Variants in CDIN1 observed in about 807,000 individuals in gnomAD.
The protein encoded by CDIN1 is CDAN1 interacting nuclease 1.
A neutral mutation model predicts 45.3 loss-of-function variants in CDIN1; 33 were observed. That is an observed-to-expected ratio of 0.73 (90% CI 0.55 to 0.97). CDIN1 has a LOEUF of 0.97. Ranked by LOEUF, CDIN1 falls within the 50% of genes least tolerant of loss-of-function variation. The probability of loss-of-function intolerance (pLI) is 0.00; values close to 1 mark genes in which losing one functional copy is unlikely to be tolerated. For missense variants in CDIN1, 303 were observed against 339.4 expected, an observed-to-expected ratio of 0.89 and a Z score of 0.84; for synonymous variants, 118 against 124.4, an observed-to-expected ratio of 0.95 and a Z score of 0.34.
rs550665005 is a variant in CDIN1, at chr15:36,647,207, A to T, written c.212+1920A>T. Among the ~76,000 whole-genome samples, 2 of 151,638 alleles carry T rather than the reference A, an allele frequency of 1.3e-5. 1 individual carries two copies. Among genetic ancestry groups the T allele is most frequent in the Admixed American group, 1.3e-4 (2 of 15,228 alleles). ...GCCAGCTAATTAAAAAAAAAAGTTT[A>T]TAGAGACAGGGTCTTGCTACTTTGC... is the stretch of plus-strand genomic sequence containing the variant. On this transcript the variant is annotated intron_variant, in intron 3 of 10. Transcript: ENST00000566621.
At chr15:36,785,952 G>A (rs2054478997) in intron 10 of CDIN1, among the ~76,000 whole-genome samples, 1 of 152,082 alleles carries the variant, frequency 6.6e-6, no homozygotes, top group Admixed American at 6.6e-5. Flanking sequence ...TGATAATTCT[G>A]CCTAAAACCT....
intron 5 of CDIN1, among the ~76,000 whole-genome samples, chr15:36,687,444 G>A (rs938293740): frequency 6.6e-6 from 1 of 152,150 alleles, no homozygotes; most frequent in South Asian, 2.1e-4. Flanking sequence ...AGTTATGTGA[G>A]GGAGGCAGAT....
At chr15:36,751,565 A>G (rs1485668933) in intron 10 of CDIN1, among the ~76,000 whole-genome samples, 4 of 151,988 alleles carry the variant, frequency 2.6e-5, no homozygotes, top group African/African-American at 4.8e-5. Flanking sequence ...ATTTGCAACC[A>G]TTGTGGAAGA....
chr15:36,694,712 C>A (rs1020471376), intron 7 of CDIN1, among the ~76,000 whole-genome samples: 1 of 152,138 alleles, frequency 6.6e-6, no homozygotes, highest in African/African-American at 2.4e-5. Flanking sequence ...CTCCAGGACA[C>A]AGCTATTAGA....
At chr15:36,798,928 C>G (rs368949625) in intron 10 of CDIN1, 1 of 152,184 alleles carries the variant, frequency 6.6e-6, no homozygotes, top group African/African-American at 2.4e-5. Context: ...GATTAACTGG[C>G]AAACACCAAA....
At chr15:36,680,700 A>C (rs1020232679) in intron 5 of CDIN1, among the ~76,000 whole-genome samples, 8 of 152,156 alleles carry the variant, frequency 5.3e-5, no homozygotes, top group Non-Finnish European at 1.0e-4. Context: ...CAAACCATAT[A>C]AAAAGGACTA....
chr15:36,588,951 G>A (rs902435476), intron 1 of CDIN1, among the ~76,000 whole-genome samples: 2 of 151,958 alleles, frequency 1.3e-5, no homozygotes, highest in Admixed American at 6.6e-5. Context: ...AATTTGGGGG[G>A]AATTTTCATG....
intron 10 of CDIN1, among the ~76,000 whole-genome samples, chr15:36,742,890 T>G (rs1041965238): frequency 6.6e-5 from 10 of 152,272 alleles, no homozygotes; most frequent in African/African-American, 2.2e-4. Flanking sequence ...TTAAGTACAG[T>G]AGCAACTGGC....
At chr15:36,752,578 A>T (rs774277694) in intron 10 of CDIN1, among the ~76,000 whole-genome samples, 2 of 152,220 alleles carry the variant, frequency 1.3e-5, no homozygotes, top group Non-Finnish European at 2.9e-5. Context: ...CTGCTAAGTG[A>T]TCCCAAGTTA....
chr15:36,746,615 A>G (rs955541121), intron 10 of CDIN1, among the ~76,000 whole-genome samples: 3 of 151,446 alleles, frequency 2.0e-5, no homozygotes, highest in African/African-American at 7.3e-5. Context: ...ACAAAACAAA[A>G]CTGTTACCTG....
At chr15:36,696,946 TAAAAAAAAAAAAAA>T (rs1163749494) in intron 7 of CDIN1, among the ~76,000 whole-genome samples, 1 of 92,256 alleles carries the variant, frequency 1.1e-5, no homozygotes, top group Non-Finnish European at 2.1e-5. Context: ...ATTCCATTTC[TAAAAAAAAAAAAAA>T]AAAAAAAAAA....
At chr15:36,716,491 A>C (rs2043219795) in intron 10 of CDIN1, among the ~76,000 whole-genome samples, 1 of 152,170 alleles carries the variant, frequency 6.6e-6, no homozygotes. Flanking sequence ...AGAATAATGG[A>C]GATCAGGTCA....
At chr15:36,614,464 C>T (rs1009441562) in intron 1 of CDIN1, among the ~76,000 whole-genome samples, 7 of 152,186 alleles carry the variant, frequency 4.6e-5, no homozygotes, top group African/African-American at 1.7e-4. Context: ...CTTTAAAAAG[C>T]ATGTTATGAT....
At chr15:36,761,382 A>G (rs1262746677) in intron 10 of CDIN1, among the ~76,000 whole-genome samples, 1 of 152,192 alleles carries the variant, frequency 6.6e-6, no homozygotes, top group East Asian at 1.9e-4. Context: ...AGATTTACAT[A>G]TAGCATCCCA....
intron 8 of CDIN1, chr15:36,706,642 T>G (rs944993019): frequency 6.6e-6 from 1 of 151,654 alleles, no homozygotes; most frequent in Non-Finnish European, 1.5e-5. Flanking sequence ...AAGGTTGACT[T>G]CAAAGAAAAA....
intron 1 of CDIN1, among the ~76,000 whole-genome samples, chr15:36,600,822 A>G (rs919260721): frequency 2.6e-5 from 4 of 152,174 alleles, no homozygotes; most frequent in African/African-American, 7.2e-5. Context: ...TCAGTAGTTT[A>G]TGAAACTTTG....
In CDIN1 at chr15:36,809,423, G is replaced by C. The variant is rs1396860045; in HGVS notation, c.*970G>C. On this transcript the variant is annotated 3_prime_UTR_variant, in exon 11 of 11. Transcript: ENST00000566621. ...AGAAATGTTTAGCTTTGTATGAACT[G>C]AGTGTGCCAGAAATAAACCTGGAGC... The C allele has an allele frequency of 6.6e-6, 1 of 152,326 alleles. No homozygotes were observed. Among genetic ancestry groups the C allele is most frequent in the Non-Finnish European group, 1.5e-5 (1 of 68,136 alleles). The allele number at this position is 152,326 out of a possible 1,614,324, so 9.4% of individuals were successfully genotyped here.
intron 8 of CDIN1, among the ~76,000 whole-genome samples, chr15:36,703,110 G>A (rs2042703279): frequency 6.7e-6 from 1 of 148,424 alleles, no homozygotes; most frequent in Admixed American, 6.8e-5. Flanking sequence ...CCCAGCTACT[G>A]GGGAGGCTGA....
At chr15:36,778,905 A>C (rs1595588284) in intron 10 of CDIN1, among the ~76,000 whole-genome samples, 1 of 152,236 alleles carries the variant, frequency 6.6e-6, no homozygotes, top group East Asian at 1.9e-4. Context: ...ATTGTAAAAG[A>C]AAGTATTTGC....
Sources: gnomAD v4.1 joint callset for allele counts (sites outside exome capture counted in the v4.1 genomes callset) on GRCh38, gnomAD v4.1.1 for gene constraint, MANE v1.5 for transcripts, NCBI Gene and HGNC (gene_info 2026-07-23, HGNC 2026-07-21) for gene names.